The following RYK variants were observed in gnomAD, a reference collection of about 807,000 sequenced individuals.
RYK encodes the protein receptor like tyrosine kinase.
Under a neutral mutation model 70.2 loss-of-function variants are expected in RYK, and 21 were observed. The ratio of observed to expected loss-of-function variants is 0.30; its 90% CI spans 0.21 to 0.43. RYK has a LOEUF of 0.43. Among genes scored for constraint, RYK ranks in the 20% least tolerant of loss-of-function variants. The probability of loss-of-function intolerance (pLI) is 1.00; values close to 1 mark genes in which losing one functional copy is unlikely to be tolerated. For synonymous variants in RYK, 267 were observed against 278.0 expected (o/e 0.96, Z 0.39); for missense variants, 604 against 753.3 (o/e 0.80, Z 2.32).
chr3:134,240,516 A>T (rs2015296044), intron 1 of RYK, among the ~76,000 whole-genome samples: 1 of 152,218 alleles, frequency 6.6e-6, no homozygotes, highest in African/African-American at 2.4e-5. Context: ...ACTGTCTATG[A>T]TACTGTAGTG....
chr3:134,231,725 T>C (rs958683385), intron 1 of RYK, among the ~76,000 whole-genome samples: 1 of 152,164 alleles, frequency 6.6e-6, no homozygotes, highest in Non-Finnish European at 1.5e-5. Context: ...TTACCCTCAG[T>C]GGACACTGCC....
intron 8 of RYK, among the ~76,000 whole-genome samples, chr3:134,190,137 T>C (rs561239023): frequency 2.0e-5 from 3 of 152,342 alleles, no homozygotes; most frequent in Admixed American, 1.3e-4. Context: ...GAAAAGACTT[T>C]GGATAATCTT....
chr3:134,218,386 A>C (rs1348343944), intron 2 of RYK, among the ~76,000 whole-genome samples: 1 of 152,228 alleles, frequency 6.6e-6, no homozygotes. Context: ...AGGAGGGAGA[A>C]AGAAAAGAAA....
At chr3:134,187,600 G>C (rs1480313743) in intron 9 of RYK, among the ~76,000 whole-genome samples, 1 of 152,058 alleles carries the variant, frequency 6.6e-6, no homozygotes, top group East Asian at 1.9e-4. Flanking sequence ...TGTCACCTAG[G>C]CTGGAGTACA....
In RYK at chr3:134,209,833, T is replaced by C; in HGVS notation, c.455-4A>G. 2 of 1,467,192 alleles carry C rather than the reference T, an allele frequency of 1.4e-6. No individual in the cohort carries two copies. The highest frequency in any genetic ancestry group is 5.5e-5 in the East Asian group (2 of 36,050). 90.9% of individuals were successfully genotyped at this position (1,467,192 alleles called of 1,614,324 possible). ...CAGGAAAGCTCTACCCGAAACACTG[T>C]TTAAAAAAGATAAGAAAAATATTTT... On this transcript the variant is annotated splice_region_variant and splice_polypyrimidine_tract_variant and intron_variant, in intron 3 of 14. Coordinates refer to ENST00000623711, the MANE Select transcript of RYK (RefSeq NM_002958.4).
At chr3:134,248,181 AAC>A (rs2015515570) in intron 1 of RYK, among the ~76,000 whole-genome samples, 1 of 152,174 alleles carries the variant, frequency 6.6e-6, no homozygotes, top group Non-Finnish European at 1.5e-5. Flanking sequence ...GATCCTCTGT[AAC>A]AGGTCAACCC....
intron 6 of RYK, among the ~76,000 whole-genome samples, chr3:134,196,629 GGCT>G (rs1350578847): frequency 2.4e-5 from 3 of 126,714 alleles, no homozygotes; most frequent in East Asian, 2.7e-4. Context: ...ACACACACAC[GGCT>G]GCTATGTAAT....
intron 9 of RYK, among the ~76,000 whole-genome samples, chr3:134,188,167 AT>A (rs57894961): frequency 0.14 from 17,950 of 129,870 alleles, 1,276 homozygotes; most frequent in East Asian, 0.47. Flanking sequence ...ATATATATAT[AT>A]TTTTTTTTTT....
intron 13 of RYK, chr3:134,170,471 G>T (rs533569572): frequency 6.6e-6 from 1 of 152,464 alleles, no homozygotes. Context: ...CCAGACTCAT[G>T]AACAATTCAG....
intron 9 of RYK, among the ~76,000 whole-genome samples, chr3:134,186,316 C>A (rs1386300883): frequency 6.6e-6 from 1 of 152,216 alleles, no homozygotes; most frequent in Non-Finnish European, 1.5e-5. Flanking sequence ...AGCCAAACTC[C>A]AATTTTCTGC....
rs1576522828 is a variant in RYK at position 134,210,889 on chromosome 3, T to C, written c.454+619A>G. On this transcript the variant is annotated intron_variant, in intron 3 of 14. Coordinates refer to ENST00000623711, the MANE Select transcript of RYK (RefSeq NM_002958.4). ...AGAGAAGGTGGCAGAAAAAAGACAG[T>C]GCAGATCTTGAGTCTTGCAGAATGA... 5.3e-5 allele frequency among the ~76,000 whole-genome samples: 8 copies of C among 152,268 alleles called. No individual in the cohort carries two copies. In the South Asian group the frequency reaches 1.7e-3, roughly 32 times the overall value.
chr3:134,170,680 T>C lies in RYK; in HGVS notation c.1575+4929A>G, dbSNP rs1003080288. On this transcript the variant is annotated intron_variant, in intron 13 of 14. Transcript: ENST00000623711. ...TCTAAATCTGATGAAATGGCAAAAG[T>C]AGATAAAATATGCTATGATTCAGAA... 2.0e-4 allele frequency: 31 copies of C among 152,298 alleles called. 1 individual carries two copies. The highest frequency in any genetic ancestry group is 1.5e-5 in the Non-Finnish European group (1 of 68,124). 9.4% of individuals were successfully genotyped at this position (152,298 alleles called of 1,614,324 possible). A position where few individuals can be genotyped will look rare whatever the true frequency, so the allele number is the denominator to read the frequency against.
intron 2 of RYK, among the ~76,000 whole-genome samples, chr3:134,220,430 G>T (rs917316299): frequency 1.3e-5 from 2 of 152,102 alleles, no homozygotes; most frequent in Admixed American, 6.6e-5. Flanking sequence ...GGAGGGGGAG[G>T]GAGAGGGAGA....
At chr3:134,214,805 G>A (rs1397117900) in intron 2 of RYK, among the ~76,000 whole-genome samples, 1 of 152,036 alleles carries the variant, frequency 6.6e-6, no homozygotes, top group Non-Finnish European at 1.5e-5. Context: ...TAGTACAGAG[G>A]AACCCCATTT....
At chr3:134,247,814 C>A (rs896501436) in intron 1 of RYK, among the ~76,000 whole-genome samples, 1 of 152,062 alleles carries the variant, frequency 6.6e-6, no homozygotes, top group Non-Finnish European at 1.5e-5. Flanking sequence ...AAAGTTGTCA[C>A]TATCAACTTC....
chr3:134,234,692 C>T (rs2015156230), intron 1 of RYK, among the ~76,000 whole-genome samples: 1 of 152,044 alleles, frequency 6.6e-6, no homozygotes, highest in African/African-American at 2.4e-5. Flanking sequence ...ATGTATTCTT[C>T]CCAAAAAGTT....
chr3:134,219,907 A>G lies in RYK; in HGVS notation c.354+2511T>C, dbSNP rs2014686622. The stretch of plus-strand genomic sequence containing the variant: ...GTGGTTGAAAGGATGATGAGGAATG[A>G]GATTTTTTTAAAAGATAGTTTCAAA... On this transcript the variant is annotated intron_variant, in intron 2 of 14. Transcript: ENST00000623711. Among the ~76,000 whole-genome samples, 5 of 152,336 alleles carry G rather than the reference A, an allele frequency of 3.3e-5. No individual in the cohort carries two copies. In the South Asian group the frequency reaches 1.0e-3, roughly 32 times the overall value.
chr3:134,206,189 C>G (rs2014207763), intron 5 of RYK, among the ~76,000 whole-genome samples: 1 of 152,086 alleles, frequency 6.6e-6, no homozygotes, highest in Non-Finnish European at 1.5e-5. Flanking sequence ...TTTGGGACAT[C>G]CAGATACTCT....
chr3:134,223,034 T>C (rs1221182365), intron 1 of RYK, among the ~76,000 whole-genome samples: 1 of 152,224 alleles, frequency 6.6e-6, no homozygotes, highest in African/African-American at 2.4e-5. Context: ...AGGTCCTTGC[T>C]GTTCTGATAG....
Sources: allele counts gnomAD v4.1 joint callset (sites outside exome capture counted in the v4.1 genomes callset), GRCh38; gene constraint gnomAD v4.1.1; transcripts MANE v1.5; gene names NCBI Gene and HGNC (gene_info 2026-07-23, HGNC 2026-07-21).